Variants in MPRIP observed in about 807,000 individuals in gnomAD.
MPRIP encodes the protein myosin phosphatase Rho interacting protein, also known as myosin phosphatase Rho-interacting protein.
A neutral mutation model predicts 234.9 loss-of-function variants in MPRIP; 59 were observed. The ratio of observed to expected loss-of-function variants is 0.25; its 90% CI spans 0.20 to 0.31. The LOEUF is 0.31. Among genes scored for constraint, MPRIP ranks in the 10% least tolerant of loss-of-function variants. The pLI is 1.00. For missense variants in MPRIP, 2,436 were observed against 3,071.0 expected, an observed-to-expected ratio of 0.79 and a Z score of 4.89; for synonymous variants, 1,144 against 1,263.9, an observed-to-expected ratio of 0.91 and a Z score of 2.01.
At chr17:17,067,127 G>A (rs1263761447) in intron 1 of MPRIP, among the ~76,000 whole-genome samples, 1 of 152,140 alleles carries the variant, frequency 6.6e-6, no homozygotes, top group Non-Finnish European at 1.5e-5. Context: ...AGTTCGAGGT[G>A]TGATAGAAAA....
rs747438555 is a variant in MPRIP, at chr17:17,147,306, T to G, written c.1561-13T>G. On this transcript the variant is annotated splice_polypyrimidine_tract_variant and intron_variant, in intron 10 of 23. Coordinates refer to ENST00000651222, the MANE Select transcript of MPRIP (RefSeq NM_001364716.4). ...GTTGGTAGTCGAGTCATTTTTCTTT[T>G]CTTCCCCTTTAGTGGAAGAAACACT... 6.2e-7 allele frequency: 1 copy of G among 1,613,866 alleles called. No individual in the cohort carries two copies. The highest frequency in any genetic ancestry group is 1.7e-5 in the Admixed American group (1 of 60,024).
chr17:17,096,687 C>G (rs2089853397), intron 3 of MPRIP: 1 of 465,102 alleles, frequency 2.2e-6, no homozygotes, highest in Admixed American at 2.4e-5. Flanking sequence ...TTGAGCAATA[C>G]CATCAGGCAG....
intron 14 of MPRIP, among the ~76,000 whole-genome samples, chr17:17,160,068 T>C (rs953263479): frequency 2.0e-5 from 3 of 152,222 alleles, no homozygotes; most frequent in Non-Finnish European, 2.9e-5. Flanking sequence ...CAGTCTTCAC[T>C]GTTTAAAAGT....
chr17:17,067,402 A>G (rs1305902533), intron 1 of MPRIP, among the ~76,000 whole-genome samples: 1 of 152,236 alleles, frequency 6.6e-6, no homozygotes, highest in African/African-American at 2.4e-5. Context: ...ACTGACAGCT[A>G]CTAAGTGACT....
intron 16 of MPRIP, chr17:17,171,230 C>T (rs1041465058): frequency 3.2e-5 from 5 of 156,442 alleles, no homozygotes; most frequent in African/African-American, 9.7e-5. Flanking sequence ...CAGGCCACTC[C>T]CTATATGTGG....
At chr17:17,170,207 TTA>T (rs2046102733) in intron 16 of MPRIP, 1 of 149,394 alleles carries the variant, frequency 6.7e-6, no homozygotes, top group Non-Finnish European at 1.5e-5. Flanking sequence ...TTTTTTTTTT[TTA>T]ATTAAAAAAG....
rs552161462 is a variant in MPRIP, at chr17:17,137,498, G to T, written c.737-418G>T. 6.9e-5 allele frequency among the ~76,000 whole-genome samples: 10 copies of T among 144,488 alleles called. No individual in the cohort carries two copies. In the South Asian group the frequency reaches 2.4e-3, roughly 34 times the overall value. 94.8% of individuals were successfully genotyped at this position (144,488 alleles called of 152,430 possible). A position where few individuals can be genotyped will look rare whatever the true frequency, so the allele number is the denominator to read the frequency against. The stretch of plus-strand genomic sequence containing the variant: ...CACTGCACTCTAGCCTGGCGACAGA[G>T]CGAGATTGCATCTCAAAAAAAAAAA... On this transcript the variant is annotated intron_variant, in intron 6 of 23. Coordinates refer to ENST00000651222, the MANE Select transcript of MPRIP (RefSeq NM_001364716.4).
intron 2 of MPRIP, chr17:17,076,255 G>GC (rs1485736958): frequency 1.3e-5 from 2 of 153,238 alleles, no homozygotes; most frequent in East Asian, 3.9e-4. Flanking sequence ...GCAGGGCCCC[G>GC]CTAGAGCTGG....
At chr17:17,062,331 G>A (rs2088891977) in intron 1 of MPRIP, among the ~76,000 whole-genome samples, 1 of 152,188 alleles carries the variant, frequency 6.6e-6, no homozygotes, top group Admixed American at 6.5e-5. Context: ...ACTGGTAAGT[G>A]CCATGTAGTG....
At chr17:17,093,693 T>C (rs887373457) in intron 3 of MPRIP, among the ~76,000 whole-genome samples, 1 of 152,240 alleles carries the variant, frequency 6.6e-6, no homozygotes, top group Non-Finnish European at 1.5e-5. Flanking sequence ...ACAAAGCTTA[T>C]ACTAAAAGAG....
intron 22 of MPRIP, 86 bp downstream of exon 22, chr17:17,177,498 A>G: frequency 7.0e-7 from 1 of 1,431,318 alleles, no homozygotes; most frequent in East Asian, 2.4e-5. Flanking sequence ...CTTGACTTGA[A>G]GCAGAAGAGT....
intron 22 of MPRIP, among the ~76,000 whole-genome samples, chr17:17,178,073 A>G (rs2046295347): frequency 2.0e-5 from 3 of 151,950 alleles, no homozygotes; most frequent in African/African-American, 7.3e-5. Context: ...GGAGTGCACC[A>G]CAAAACACCT....
In MPRIP at chr17:17,154,384, G is replaced by C. The variant is rs532340942; in HGVS notation, c.1798G>C (p.Val600Leu). The C allele has an allele frequency of 6.2e-7, 1 of 1,614,042 alleles. No individual in the cohort carries two copies. The highest frequency in any genetic ancestry group is 1.3e-5 in the African/African-American group (1 of 74,934). ...CTGGATCCAGACCATCATGAAGCACGTGCACCCGACCACTGCCCCGGATGT... is the reference window on the plus strand; with the variant it reads ...CTGGATCCAGACCATCATGAAGCACCTGCACCCGACCACTGCCCCGGATGT... ...RNWIQTIMKH[V>L]HPTTAPDVTS... Residue 600 changes from valine (V) to leucine (L), a missense_variant, in exon 13 of 24, where the codon GTG (valine) becomes CTG (leucine). Val to Leu is a conservative substitution (Grantham distance 32). Transcript: ENST00000651222.
intron 19 of MPRIP, among the ~76,000 whole-genome samples, chr17:17,174,504 C>T (rs145180262): frequency 5.6e-4 from 85 of 152,324 alleles, no homozygotes; most frequent in African/African-American, 1.3e-3. Context: ...GTCAGGCTTA[C>T]GGCTCACATT....
chr17:17,182,605 G>A (rs369281062), intron 23 of MPRIP: 22 of 152,290 alleles, frequency 1.4e-4, no homozygotes, highest in African/African-American at 5.3e-4. Flanking sequence ...TAACGTAGGG[G>A]ATTTCACTTA....
chr17:17,063,587 TGA>T (rs2143945469), intron 1 of MPRIP, among the ~76,000 whole-genome samples: 2 of 152,220 alleles, frequency 1.3e-5, no homozygotes, highest in South Asian at 4.2e-4. Context: ...ATCGACTGTT[TGA>T]GGCCTGCCCT....
At chr17:17,114,411 T>C (rs2090239241) in intron 3 of MPRIP, among the ~76,000 whole-genome samples, 1 of 143,428 alleles carries the variant, frequency 7.0e-6, no homozygotes, top group African/African-American at 2.6e-5. Context: ...TTTTTAATTT[T>C]GATGAAGTCT....
In MPRIP at chr17:17,165,560, G is replaced by T; in HGVS notation, c.3969G>T (p.Arg1323=). Residue 1323 remains arginine, a synonymous_variant, in exon 16 of 24, where the codon CGG becomes CGT. Coordinates refer to ENST00000651222, the MANE Select transcript of MPRIP (RefSeq NM_001364716.4). ...GAPGVKRQRI[R]FSTIQCQRYI... ...CTGGTGTTAAAAGGCAAAGAATCCG[G>T]TTCTCCACAATCCAGTGCCAAAGAT... is the stretch of plus-strand genomic sequence containing the variant. 1 of 1,304,610 alleles carries T rather than the reference G, an allele frequency of 7.7e-7. No homozygotes were observed. The highest frequency in any genetic ancestry group is 1.2e-5 in the South Asian group (1 of 81,028). The allele number at this position is 1,304,610 out of a possible 1,614,324, so 80.8% of individuals were successfully genotyped here.
At chr17:17,082,809 C>G (rs1276439253) in intron 3 of MPRIP, among the ~76,000 whole-genome samples, 1 of 152,238 alleles carries the variant, frequency 6.6e-6, no homozygotes, top group East Asian at 1.9e-4. Context: ...ATGCTATTCT[C>G]TGTCTCTATG....
Sources: allele counts gnomAD v4.1 joint callset (sites outside exome capture counted in the v4.1 genomes callset), GRCh38; gene constraint gnomAD v4.1.1; transcripts MANE v1.5; gene names NCBI Gene and HGNC (gene_info 2026-07-23, HGNC 2026-07-21).